The following DMD variants were observed in gnomAD, a reference collection of about 807,000 sequenced individuals.
The protein encoded by DMD is mutant dystrophin.
A neutral mutation model predicts 330.1 loss-of-function variants in DMD; 63 were observed. The ratio of observed to expected loss-of-function variants is 0.19; its 90% CI spans 0.16 to 0.24. DMD has a LOEUF of 0.24. Among genes scored for constraint, DMD ranks in the 10% least tolerant of loss-of-function variants. The probability of loss-of-function intolerance (pLI) is 1.00; values close to 1 mark genes in which losing one functional copy is unlikely to be tolerated. For synonymous variants in DMD, 1,223 were observed against 959.8 expected (o/e 1.27, Z -5.07); for missense variants, 3,344 against 2,684.1 (o/e 1.25, Z -5.43).
At chrX:32,243,240 T>C (rs766400179) in intron 43 of DMD, among the ~76,000 whole-genome samples, 2 of 110,921 alleles carry the variant, frequency 1.8e-5, no homozygotes, top group African/African-American at 3.3e-5. Context: ...TCAAAAGTGC[T>C]TGGGTTGATG....
intron 7 of DMD, among the ~76,000 whole-genome samples, chrX:32,722,019 T>A (rs766074156): frequency 5.4e-5 from 6 of 110,660 alleles, no homozygotes; most frequent in Non-Finnish European, 1.1e-4. Flanking sequence ...AGTTTATGTG[T>A]CTGTTTTTAT....
chrX:33,202,682 C>A (rs2051343610), intron 1 of DMD, among the ~76,000 whole-genome samples: 1 of 111,672 alleles, frequency 9.0e-6, no homozygotes, highest in Non-Finnish European at 1.9e-5. Flanking sequence ...TACTCTTATG[C>A]CTATTTATAA....
At chrX:33,191,908 G>A (rs773211251) in intron 1 of DMD, among the ~76,000 whole-genome samples, 50 of 112,110 alleles carry the variant, frequency 4.5e-4, no homozygotes, top group African/African-American at 1.6e-3. Flanking sequence ...TTCAGTCATC[G>A]TTAAGCAACA....
rs750169459 is a variant in DMD, at chrX:32,535,067, G to GT, written c.2168+10091dup. Reference sequence around the variant, plus strand: ...CTTTCTCCTGGGGAAAGGAGACATTGTTTTTTAAATGTAAACGTTCTTCAA... The same window carrying GT: ...CTTTCTCCTGGGGAAAGGAGACATTGTTTTTTTAAATGTAAACGTTCTTCAA... On this transcript the variant is annotated intron_variant, in intron 17 of 78. Coordinates refer to ENST00000357033, the MANE Select transcript of DMD (RefSeq NM_004006.3). 3.9e-4 allele frequency among the ~76,000 whole-genome samples: 44 copies of GT among 111,592 alleles called. No individual in the cohort carries two copies. The South Asian group carries it at 0.012, about 31-fold the overall frequency.
chrX:32,544,141 T>A (rs1300725675), intron 17 of DMD, among the ~76,000 whole-genome samples: 1 of 112,123 alleles, frequency 8.9e-6, no homozygotes, highest in Non-Finnish European at 1.9e-5. Context: ...CTAGTGGATT[T>A]GCTTAGCCAA....
intron 16 of DMD, among the ~76,000 whole-genome samples, chrX:32,558,954 T>C (rs2050670269): frequency 1.2e-5 from 1 of 83,159 alleles, no homozygotes. Flanking sequence ...TTTTTTTTTT[T>C]TTTTTTTTTT....
chrX:31,750,148 G>A (rs1195487737), intron 51 of DMD, among the ~76,000 whole-genome samples: 109 of 109,868 alleles, frequency 9.9e-4, no homozygotes, highest in African/African-American at 3.4e-3. Flanking sequence ...CTTTAGTTTA[G>A]TTAGATCCCA....
intron 1 of DMD, among the ~76,000 whole-genome samples, chrX:33,180,981 A>T (rs2049971191): frequency 9.1e-6 from 1 of 109,844 alleles, no homozygotes; most frequent in South Asian, 3.9e-4. Context: ...CTTTTTCGTT[A>T]CATGAGCAAA....
intron 1 of DMD, among the ~76,000 whole-genome samples, chrX:33,316,170 A>G (rs924334674): frequency 1.8e-5 from 2 of 110,886 alleles, no homozygotes; most frequent in Non-Finnish European, 3.8e-5. Flanking sequence ...TTCATCTAAG[A>G]GTACAAGAAG....
chrX:32,041,483 C>T (rs992114765), intron 44 of DMD, among the ~76,000 whole-genome samples: 6 of 112,056 alleles, frequency 5.4e-5, no homozygotes, highest in African/African-American at 9.7e-5. Context: ...TCTTAAAAAC[C>T]TTCTGCTTTC....
At chrX:33,082,355 G>A (rs1310183211) in intron 1 of DMD, among the ~76,000 whole-genome samples, 1 of 112,262 alleles carries the variant, frequency 8.9e-6, no homozygotes, top group Non-Finnish European at 1.9e-5. Context: ...CCTAGGTGCT[G>A]CAAAGACATA....
intron 2 of DMD, among the ~76,000 whole-genome samples, chrX:32,932,270 A>T (rs914594613): frequency 1.8e-5 from 2 of 112,572 alleles, no homozygotes; most frequent in Non-Finnish European, 1.9e-5. Flanking sequence ...TAACACTGAT[A>T]CTGCTCTTTT....
chrX:32,508,533 T>C (rs1412896670), intron 18 of DMD, among the ~76,000 whole-genome samples: 2 of 112,055 alleles, frequency 1.8e-5, no homozygotes, highest in African/African-American at 3.2e-5. Context: ...GCTTACTATC[T>C]GTCCCTAATA....
chrX:32,187,109 T>G (rs1443373396), intron 44 of DMD, among the ~76,000 whole-genome samples: 2 of 111,354 alleles, frequency 1.8e-5, no homozygotes, highest in Non-Finnish European at 3.8e-5. Context: ...AGCACTTTCA[T>G]AAAACGATGT....
At chrX:31,700,078 C>T (rs62589480) in intron 52 of DMD, among the ~76,000 whole-genome samples, 6 of 108,046 alleles carry the variant, frequency 5.6e-5, no homozygotes, top group Admixed American at 1.0e-4. Flanking sequence ...CCCAGCTACT[C>T]GGGAGGCTGA....
chrX:32,112,503 C>T (rs2096593713), intron 44 of DMD, among the ~76,000 whole-genome samples: 1 of 111,343 alleles, frequency 9.0e-6, no homozygotes, highest in African/African-American at 3.3e-5. Context: ...CATAGGGTGA[C>T]CACAACATGG....
chrX:32,272,188 CAG>C (rs1423467687), intron 43 of DMD, among the ~76,000 whole-genome samples: 1 of 111,643 alleles, frequency 9.0e-6, no homozygotes, highest in African/African-American at 3.3e-5. Flanking sequence ...AATAGGTAAA[CAG>C]AGAGTTCTAT....
intron 63 of DMD, among the ~76,000 whole-genome samples, chrX:31,241,279 A>T (rs1396563332): frequency 9.0e-6 from 1 of 111,459 alleles, no homozygotes; most frequent in Non-Finnish European, 1.9e-5. Context: ...TAGGAGTTAA[A>T]AGTACACGTA....
intron 1 of DMD, among the ~76,000 whole-genome samples, chrX:33,333,557 C>T (rs900038961): frequency 7.2e-5 from 8 of 110,628 alleles, no homozygotes; most frequent in Non-Finnish European, 1.1e-4. Context: ...GAATTTCCAG[C>T]GCTACCAGTG....
Sources: gnomAD v4.1 joint callset for allele counts (sites outside exome capture counted in the v4.1 genomes callset) on GRCh38, gnomAD v4.1.1 for gene constraint, MANE v1.5 for transcripts, NCBI Gene and HGNC (gene_info 2026-07-23, HGNC 2026-07-21) for gene names.